The following SPMIP2 variants were observed in gnomAD, a reference collection of about 807,000 sequenced individuals.
The protein encoded by SPMIP2 is sperm microtubule inner protein 2.
chr4:159,069,451 A>G, the SPMIP2 span, among the ~76,000 whole-genome samples: 16 of 151,186 alleles, frequency 1.1e-4, no homozygotes, highest in South Asian at 2.9e-3. Context: ...TTTTTTTTTA[A>G]GAGACAAGGC....
chr4:158,928,033 C>A, the SPMIP2 span, among the ~76,000 whole-genome samples: 1 of 152,220 alleles, frequency 6.6e-6, no homozygotes, highest in Non-Finnish European at 1.5e-5. Context: ...ATGAGCGCCG[C>A]CCCCTGCTCC....
At chr4:159,082,745 T>C in the SPMIP2 span, among the ~76,000 whole-genome samples, 1 of 152,168 alleles carries the variant, frequency 6.6e-6, no homozygotes, top group Non-Finnish European at 1.5e-5. Context: ...GGCAGGTAAA[T>C]AATCAATTCA....
the SPMIP2 span, among the ~76,000 whole-genome samples, chr4:159,032,743 C>A: frequency 2.0e-5 from 3 of 147,598 alleles, no homozygotes; most frequent in African/African-American, 7.4e-5. Context: ...TGTAAAATGT[C>A]TAAAAGAAAA....
the SPMIP2 span, among the ~76,000 whole-genome samples, chr4:158,946,964 A>G: frequency 6.6e-6 from 1 of 152,158 alleles, no homozygotes; most frequent in Non-Finnish European, 1.5e-5. Context: ...CTACAGGGGT[A>G]ACAACTACAG....
chr4:158,958,225 C>T, the SPMIP2 span, among the ~76,000 whole-genome samples: 4 of 152,274 alleles, frequency 2.6e-5, no homozygotes, highest in African/African-American at 9.6e-5. Flanking sequence ...GCCTTGAACT[C>T]CTGGGCTTAA....
At chr4:159,006,894 C>G in the SPMIP2 span, among the ~76,000 whole-genome samples, 2 of 152,122 alleles carry the variant, frequency 1.3e-5, no homozygotes, top group Non-Finnish European at 2.9e-5. Flanking sequence ...AGGGTCCTCC[C>G]TTTGAGAGGC....
the SPMIP2 span, among the ~76,000 whole-genome samples, chr4:158,929,960 G>A: frequency 1.3e-5 from 2 of 152,082 alleles, no homozygotes; most frequent in African/African-American, 4.8e-5. Context: ...TTCTTGCAGG[G>A]CAGGTCTGCT....
the SPMIP2 span, among the ~76,000 whole-genome samples, chr4:158,926,878 T>C: frequency 6.6e-6 from 1 of 152,270 alleles, no homozygotes; most frequent in African/African-American, 2.4e-5. Flanking sequence ...GCACTGAGGT[T>C]GAAAAATTAC....
the SPMIP2 span, among the ~76,000 whole-genome samples, chr4:158,975,482 G>A: frequency 6.6e-6 from 1 of 152,162 alleles, no homozygotes; most frequent in Admixed American, 6.5e-5. Flanking sequence ...TGTAAAAGGT[G>A]TAAGGAAGGG....
the SPMIP2 span, among the ~76,000 whole-genome samples, chr4:158,939,617 T>C: frequency 2.6e-5 from 4 of 152,100 alleles, no homozygotes; most frequent in Non-Finnish European, 4.4e-5. Context: ...TTTCTTTTAA[T>C]TCATAGGTTC....
the SPMIP2 span, among the ~76,000 whole-genome samples, chr4:158,928,582 A>G: frequency 2.6e-5 from 4 of 152,134 alleles, no homozygotes; most frequent in African/African-American, 9.7e-5. Flanking sequence ...CAGACCACTC[A>G]GCTCTACCAA....
the SPMIP2 span, among the ~76,000 whole-genome samples, chr4:158,898,845 G>A: frequency 1.3e-5 from 2 of 152,214 alleles, no homozygotes; most frequent in East Asian, 1.9e-4. Context: ...TTGCATGATT[G>A]TCCTGGCCAG....
At chr4:158,936,058 T>C in the SPMIP2 span, among the ~76,000 whole-genome samples, 3 of 152,296 alleles carry the variant, frequency 2.0e-5, no homozygotes, top group East Asian at 3.9e-4. Context: ...CTTAAATGGA[T>C]CAAAACAGAT....
the SPMIP2 span, among the ~76,000 whole-genome samples, chr4:158,969,076 ATT>A: frequency 1.3e-5 from 2 of 152,110 alleles, no homozygotes; most frequent in Non-Finnish European, 1.5e-5. Flanking sequence ...TTGATTTAAT[ATT>A]TTCTTTGGGG....
chr4:159,045,715 C>T, the SPMIP2 span, among the ~76,000 whole-genome samples: 1 of 152,174 alleles, frequency 6.6e-6, no homozygotes, highest in Non-Finnish European at 1.5e-5. Context: ...CTTAAAACAA[C>T]AAATATTTAC....
the SPMIP2 span, among the ~76,000 whole-genome samples, chr4:159,082,332 C>CAAATAAAT: frequency 1.5e-4 from 23 of 150,920 alleles, no homozygotes; most frequent in African/African-American, 4.9e-4. Context: ...GATTCCATCT[C>CAAATAAAT]AAATAAATAA....
At chr4:158,977,527 A>C in the SPMIP2 span, among the ~76,000 whole-genome samples, 2 of 139,332 alleles carry the variant, frequency 1.4e-5, no homozygotes, top group Non-Finnish European at 3.1e-5. Flanking sequence ...TACTGTGTTG[A>C]TATTTTCAAA....
At chr4:158,996,551 A>AG in the SPMIP2 span, among the ~76,000 whole-genome samples, 8 of 152,212 alleles carry the variant, frequency 5.3e-5, no homozygotes, top group Admixed American at 3.9e-4. Flanking sequence ...TGCAAAATTG[A>AG]TTAAACAATT....
chr4:158,915,531 C>G, the SPMIP2 span, among the ~76,000 whole-genome samples: 3 of 152,248 alleles, frequency 2.0e-5, no homozygotes, highest in African/African-American at 4.8e-5. Flanking sequence ...ACTCTCTCCA[C>G]TCTACATCAC....
Sources: allele counts gnomAD v4.1 joint callset (sites outside exome capture counted in the v4.1 genomes callset), GRCh38; gene constraint gnomAD v4.1.1; transcripts MANE v1.5; gene names NCBI Gene and HGNC (gene_info 2026-07-23, HGNC 2026-07-21).